The following TTLL13 variants were observed in gnomAD, a reference collection of about 807,000 sequenced individuals.
TTLL13 encodes tubulin polyglutamylase TTLL13.
At chr15:90,261,852 A>G in the TTLL13 span, among the ~76,000 whole-genome samples, 109,408 of 152,192 alleles carry the variant, frequency 0.72, 40,262 homozygotes, top group African/African-American at 0.87. Context: ...ATGTGGGGCT[A>G]GCCAAAGATG....
chr15:90,250,607 C>T, the TTLL13 span: 547 of 1,606,240 alleles, frequency 3.4e-4, no homozygotes, highest in Non-Finnish European at 4.3e-4. Context: ...ATTCCCACCC[C>T]GCAACCCCTC....
At chr15:90,255,976 G>A in the TTLL13 span, 10 of 1,594,288 alleles carry the variant, frequency 6.3e-6, no homozygotes, top group Non-Finnish European at 8.6e-6. Flanking sequence ...GAATGTCTCA[G>A]AGGGATGGAA....
chr15:90,256,614 CTTCCTTCCTTCCTTCCTTCCTTCCTTCT>C, the TTLL13 span, among the ~76,000 whole-genome samples: 38 of 42,856 alleles, frequency 8.9e-4, no homozygotes, highest in Non-Finnish European at 1.3e-3. Context: ...TCTTTCCTTC[CTTCCTTCCTTCCTTCCTTCCTTCCTTCT>C]TTCTTTCTCC....
the TTLL13 span, among the ~76,000 whole-genome samples, chr15:90,256,589 CTTTCTTTCT>C: frequency 5.7e-5 from 2 of 34,868 alleles, no homozygotes; most frequent in Admixed American, 4.1e-4. Context: ...TTCTTTCTTT[CTTTCTTTCT>C]TTCTTTCTTT....
chr15:90,261,907 G>T, the TTLL13 span: 13 of 1,025,390 alleles, frequency 1.3e-5, no homozygotes, highest in Admixed American at 2.6e-4. Flanking sequence ...AGGAGGTCAA[G>T]AAGCCAGCAG....
chr15:90,251,074 C>T, the TTLL13 span, among the ~76,000 whole-genome samples: 3 of 150,530 alleles, frequency 2.0e-5, no homozygotes, highest in African/African-American at 7.3e-5. Context: ...TAGGCTGGCT[C>T]ATTTTGGAAT....
the TTLL13 span, chr15:90,258,575 T>G: frequency 1.6e-6 from 1 of 638,148 alleles, no homozygotes. Flanking sequence ...GTCTGTGAAT[T>G]GGAGATCTCT....
At chr15:90,259,324 A>G in the TTLL13 span, among the ~76,000 whole-genome samples, 1 of 152,154 alleles carries the variant, frequency 6.6e-6, no homozygotes, top group Non-Finnish European at 1.5e-5. Flanking sequence ...CAGGAGGTCA[A>G]GCCTGCAGTG....
chr15:90,262,362 CT>C, the TTLL13 span: 2 of 1,160,582 alleles, frequency 1.7e-6, no homozygotes, highest in South Asian at 1.7e-5. Flanking sequence ...CTATCTTCCC[CT>C]CTCATTGCTC....
At chr15:90,263,750 G>T in the TTLL13 span, 1 of 689,994 alleles carries the variant, frequency 1.4e-6, no homozygotes, top group Non-Finnish European at 2.7e-6. Flanking sequence ...CCTAGATTTT[G>T]CTAGGACAGG....
At chr15:90,251,596 T>C in the TTLL13 span, 33 of 1,613,796 alleles carry the variant, frequency 2.0e-5, no homozygotes, top group Non-Finnish European at 2.8e-5. Flanking sequence ...ATGAGAGTGG[T>C]AAGCACCCAG....
the TTLL13 span, among the ~76,000 whole-genome samples, chr15:90,251,114 C>CTTTTTTTTTTTTTTTTTTT: frequency 2.9e-5 from 3 of 104,672 alleles, no homozygotes; most frequent in African/African-American, 7.5e-5. Context: ...CCTGGTCTGT[C>CTTTTTTTTTTTTTTTTTTT]TTTTTTTTTT....
the TTLL13 span, chr15:90,265,047 GACTGCC>G: frequency 6.9e-7 from 1 of 1,439,946 alleles, no homozygotes; most frequent in Non-Finnish European, 9.2e-7. Flanking sequence ...CTAAATGAAT[GACTGCC>G]ACCAAGTTCC....
At chr15:90,251,356 C>T in the TTLL13 span, among the ~76,000 whole-genome samples, 2 of 146,392 alleles carry the variant, frequency 1.4e-5, no homozygotes, top group Non-Finnish European at 3.0e-5. Flanking sequence ...TATCTCCTGA[C>T]CTTGTGATCC....
At chr15:90,254,923 C>T in the TTLL13 span, among the ~76,000 whole-genome samples, 2 of 152,276 alleles carry the variant, frequency 1.3e-5, no homozygotes, top group South Asian at 2.1e-4. Flanking sequence ...CAACAGACTC[C>T]GTGTTAAGTG....
At chr15:90,256,595 T>TTCTTTCTC in the TTLL13 span, among the ~76,000 whole-genome samples, 4 of 37,886 alleles carry the variant, frequency 1.1e-4, no homozygotes, top group Admixed American at 3.5e-4. Context: ...CTTTCTTTCT[T>TTCTTTCTC]TCTTTCTTTC....
At chr15:90,264,756 G>A in the TTLL13 span, 19 of 1,535,986 alleles carry the variant, frequency 1.2e-5, no homozygotes, top group African/African-American at 2.7e-5. Context: ...GCCATAAACC[G>A]AGTCCTGGCA....
the TTLL13 span, chr15:90,249,682 C>G: frequency 6.6e-6 from 1 of 152,250 alleles, no homozygotes; most frequent in Non-Finnish European, 1.5e-5. Flanking sequence ...GAGGCGGTTC[C>G]GGACGCCCAG....
the TTLL13 span, chr15:90,263,930 C>T: frequency 3.5e-5 from 53 of 1,500,946 alleles, no homozygotes; most frequent in African/African-American, 7.0e-4. Flanking sequence ...CCACATGTTC[C>T]CCGGTACCAT....
Sources: allele counts gnomAD v4.1 joint callset (sites outside exome capture counted in the v4.1 genomes callset), GRCh38; gene constraint gnomAD v4.1.1; transcripts MANE v1.5; gene names NCBI Gene and HGNC (gene_info 2026-07-23, HGNC 2026-07-21).